NSUN7: variants seen among roughly 807,000 people sequenced by gnomAD.
The protein encoded by NSUN7 is protein NSUN7.
NSUN7 carries 39 observed loss-of-function variants against 58.5 expected under a neutral mutation model. The ratio of observed to expected loss-of-function variants is 0.67; its 90% CI spans 0.52 to 0.87. The LOEUF is 0.87. Among genes scored for constraint, NSUN7 ranks in the 40% least tolerant of loss-of-function variants. The pLI is 0.00. For missense variants in NSUN7, 765 were observed against 844.1 expected, an observed-to-expected ratio of 0.91 and a Z score of 1.16; for synonymous variants, 278 against 303.7, an observed-to-expected ratio of 0.92 and a Z score of 0.88.
At chr4:40,761,862 CAGTT>C (rs1336697236) in intron 4 of NSUN7, among the ~76,000 whole-genome samples, 2 of 152,082 alleles carry the variant, frequency 1.3e-5, no homozygotes, top group African/African-American at 2.4e-5. Flanking sequence ...GTAAAATGCT[CAGTT>C]AGAACCAGAC....
intron 7 of NSUN7, chr4:40,786,227 G>A: frequency 6.2e-7 from 1 of 1,613,990 alleles, no homozygotes; most frequent in South Asian, 1.1e-5. Context: ...GTCTTATACA[G>A]GCTGCAGTTC....
Position 40,784,083 on chromosome 4 carries a change from A to G in NSUN7, c.1037-6519A>G, listed in dbSNP as rs193061957. 1.5e-3 allele frequency among the ~76,000 whole-genome samples: 236 copies of G among 152,352 alleles called. 1 individual carries two copies. Among genetic ancestry groups the G allele is most frequent in the African/African-American group, 5.4e-3 (226 of 41,572 alleles). Reference sequence around the variant, plus strand: ...CATTAGGGAACTGCAAATCAAAACCATAATGAAATACCACTTCAAACCCAC... The same window carrying G: ...CATTAGGGAACTGCAAATCAAAACCGTAATGAAATACCACTTCAAACCCAC... On this transcript the variant is annotated intron_variant, in intron 7 of 11. Coordinates refer to ENST00000381782, the MANE Select transcript of NSUN7 (RefSeq NM_024677.6).
At chr4:40,794,068 G>A (rs944425073) in intron 8 of NSUN7, among the ~76,000 whole-genome samples, 2 of 152,032 alleles carry the variant, frequency 1.3e-5, no homozygotes, top group African/African-American at 2.4e-5. Flanking sequence ...GAGACTGACG[G>A]CATTTTCTCT....
intron 7 of NSUN7, chr4:40,786,339 A>G (rs989255965): frequency 2.9e-5 from 47 of 1,612,076 alleles, no homozygotes; most frequent in East Asian, 2.0e-4. Flanking sequence ...TCTGGGATGT[A>G]GGTGGTCAGG....
chr4:40,774,650 C>T (rs1274396722), intron 5 of NSUN7, 117 bp from the exon 6 acceptor site: 9 of 734,492 alleles, frequency 1.2e-5, no homozygotes, highest in African/African-American at 3.6e-5. Context: ...TTGTTAGTTC[C>T]ATTAGATGTA....
At chr4:40,758,666 A>T (rs1741291868) in intron 2 of NSUN7, among the ~76,000 whole-genome samples, 1 of 152,096 alleles carries the variant, frequency 6.6e-6, no homozygotes, top group African/African-American at 2.4e-5. Context: ...CTCTACAAAA[A>T]ATACAAAGAT....
chr4:40,808,296 T>C lies in NSUN7; in HGVS notation c.1525-11T>C. On this transcript the variant is annotated splice_polypyrimidine_tract_variant and intron_variant, in intron 11 of 11. Transcript: ENST00000381782. ...AACTCCCACATTTAGTAAATGCTTC[T>C]TTAATTGCAGCGGGACCCTTCTGAG... 1 of 1,587,354 alleles carries C rather than the reference T, an allele frequency of 6.3e-7. No individual in the cohort carries two copies. Among genetic ancestry groups the C allele is most frequent in the East Asian group, 2.2e-5 (1 of 44,562 alleles).
intron 4 of NSUN7, among the ~76,000 whole-genome samples, chr4:40,770,210 CAAAAAA>C (rs36059628): frequency 2.1e-5 from 2 of 94,768 alleles, no homozygotes; most frequent in Admixed American, 2.3e-4. Context: ...AACTCCATCT[CAAAAAA>C]AAAAAAAAAA....
intron 7 of NSUN7, among the ~76,000 whole-genome samples, chr4:40,783,856 A>T (rs1016677530): frequency 6.6e-6 from 1 of 152,150 alleles, no homozygotes; most frequent in African/African-American, 2.4e-5. Context: ...TAAAAAAAAA[A>T]AAAAAGATAA....
At chr4:40,797,952 T>C (rs1340933826) in intron 9 of NSUN7, among the ~76,000 whole-genome samples, 1 of 152,238 alleles carries the variant, frequency 6.6e-6, no homozygotes, top group East Asian at 1.9e-4. Flanking sequence ...TTCAGGCCTT[T>C]ACACTGGCTG....
chr4:40,773,662 G>A (rs1421414154), intron 4 of NSUN7, among the ~76,000 whole-genome samples: 4 of 148,970 alleles, frequency 2.7e-5, no homozygotes, highest in Admixed American at 1.3e-4. Context: ...CAGCCTGGGC[G>A]ACAGACGGAG....
Position 40,809,204 on chromosome 4 carries a change from A to C in NSUN7, c.*265A>C. On this transcript the variant is annotated 3_prime_UTR_variant, in exon 12 of 12. Transcript: ENST00000381782. ...GACTCAGTATCAGCGGTCAGAACTT[A>C]TCTCACTCCTGTGAACTTTCAGGCT... 3.1e-6 allele frequency: 1 copy of C among 327,156 alleles called. No individual in the cohort carries two copies. 20.3% of individuals were successfully genotyped at this position (327,156 alleles called of 1,614,324 possible). A position where few individuals can be genotyped will look rare whatever the true frequency, so the allele number is the denominator to read the frequency against.
chr4:40,799,120 C>G (rs142361888), intron 10 of NSUN7, among the ~76,000 whole-genome samples: 1 of 100,132 alleles, frequency 1.0e-5, no homozygotes. Flanking sequence ...GAATCTTGCT[C>G]TGTCATCCAG....
intron 10 of NSUN7, among the ~76,000 whole-genome samples, chr4:40,799,709 A>G (rs1743497417): frequency 6.6e-6 from 1 of 152,314 alleles, no homozygotes; most frequent in Non-Finnish European, 1.5e-5. Flanking sequence ...TGCTGCCAAA[A>G]GAAATTATGC....
intron 9 of NSUN7, among the ~76,000 whole-genome samples, chr4:40,798,442 C>G (rs572749633): frequency 2.0e-5 from 3 of 152,188 alleles, no homozygotes; most frequent in Non-Finnish European, 4.4e-5. Context: ...TTTCTAGAGT[C>G]CTTTAAACTA....
intron 2 of NSUN7, 90 bp downstream of exon 2, chr4:40,751,081 A>G: frequency 6.9e-7 from 1 of 1,441,246 alleles, no homozygotes; most frequent in Non-Finnish European, 9.5e-7. Flanking sequence ...CCTTCCCCTC[A>G]TTCACACCAG....
At chr4:40,806,972 C>A in intron 10 of NSUN7, 89 bp from the exon 11 acceptor site, 1 of 1,356,130 alleles carries the variant, frequency 7.4e-7, no homozygotes, top group Non-Finnish European at 1.0e-6. Context: ...GTAAAGTATA[C>A]TAGAAAAAAA....
rs1385541036 is a variant in NSUN7 at position 40,774,827 on chromosome 4, G to T, written c.702G>T (p.Leu234Phe). 2 of 1,556,572 alleles carry T rather than the reference G, an allele frequency of 1.3e-6. No homozygotes were observed. The highest frequency in any genetic ancestry group is 1.4e-5 in the African/African-American group (1 of 73,684). ...GCTATAATAAAGTCAAATCTGTATT[G>T]CATATTGATGATAAAGTCTTTGCTG... ...RRGYNKVKSV[L>F]HIDDKVFAVD... Residue 234 changes from leucine to phenylalanine, a missense_variant, in exon 6 of 12, where the codon TTG (leucine) becomes TTT (phenylalanine). Transcript: ENST00000381782.
At chr4:40,759,238 G>A (rs938285833) in intron 2 of NSUN7, among the ~76,000 whole-genome samples, 1 of 152,170 alleles carries the variant, frequency 6.6e-6, no homozygotes, top group Non-Finnish European at 1.5e-5. Context: ...TTGAACCCGG[G>A]AGGTGGAGGT....
Sources: allele counts gnomAD v4.1 joint callset (sites outside exome capture counted in the v4.1 genomes callset), GRCh38; gene constraint gnomAD v4.1.1; transcripts MANE v1.5; gene names NCBI Gene and HGNC (gene_info 2026-07-23, HGNC 2026-07-21).